The following DDC variants were observed in gnomAD, a reference collection of about 807,000 sequenced individuals.
DDC encodes aromatic-L-amino-acid decarboxylase.
In DDC, 43 loss-of-function variants were observed where a neutral mutation model predicts 60.0. The ratio of observed to expected loss-of-function variants is 0.72; its 90% CI spans 0.56 to 0.92. DDC has a LOEUF of 0.92. DDC is among the 40% of genes least tolerant of loss of function. The pLI, the probability that DDC is intolerant of heterozygous loss-of-function variation, is 0.00. For missense variants in DDC, 573 were observed against 620.2 expected, an observed-to-expected ratio of 0.92 and a Z score of 0.81; for synonymous variants, 232 against 234.6, an observed-to-expected ratio of 0.99 and a Z score of 0.10.
intron 1 of DDC, among the ~76,000 whole-genome samples, chr7:50,562,484 G>T (rs1293758749): frequency 6.6e-6 from 1 of 152,238 alleles, no homozygotes; most frequent in Non-Finnish European, 1.5e-5. Flanking sequence ...GCAGGCCCCA[G>T]CCGTGAGCAT....
chr7:50,462,928 C>T (rs1053802704), intron 14 of DDC, among the ~76,000 whole-genome samples: 1 of 152,042 alleles, frequency 6.6e-6, no homozygotes. Context: ...TGCCACCACG[C>T]CCAGCTAATT....
chr7:50,486,455 AG>A (rs1447618615), intron 9 of DDC, among the ~76,000 whole-genome samples: 4 of 152,350 alleles, frequency 2.6e-5, no homozygotes, highest in African/African-American at 9.6e-5. Flanking sequence ...TAAGTTTCAT[AG>A]CTATCAAATA....
chr7:50,502,178 C>T (rs1253145300), intron 7 of DDC, among the ~76,000 whole-genome samples: 1 of 152,196 alleles, frequency 6.6e-6, no homozygotes, highest in Non-Finnish European at 1.5e-5. Flanking sequence ...TGCACAACCC[C>T]AAAAGCAACC....
chr7:50,509,098 G>T (rs1192199736), intron 6 of DDC, among the ~76,000 whole-genome samples: 1 of 152,100 alleles, frequency 6.6e-6, no homozygotes, highest in African/African-American at 2.4e-5. Flanking sequence ...GCGTGGAGAT[G>T]GGAACATACC....
rs538632862 is a variant in DDC, at chr7:50,546,558, T to G, written c.-28-2445A>C. Among the ~76,000 whole-genome samples the G allele has an allele frequency of 3.9e-5, 6 of 152,316 alleles. No homozygotes were observed. In the East Asian group the frequency reaches 9.6e-4, roughly 24 times the overall value. On this transcript the variant is annotated intron_variant, in intron 1 of 14. Transcript: ENST00000444124. ...GAGACTTGGCTAAGCTCTTCCCCCT[T>G]GGGCCAGAGGAGCTTGGCTGATGTT...
At chr7:50,491,041 A>T (rs900379795) in intron 9 of DDC, among the ~76,000 whole-genome samples, 2 of 152,010 alleles carry the variant, frequency 1.3e-5, no homozygotes, top group African/African-American at 4.8e-5. Context: ...GAATTCTAAA[A>T]TTTTTCCTGG....
chr7:50,561,042 CCTCT>C (rs3837091), intron 1 of DDC: 36,377 of 151,836 alleles, frequency 0.24, 4,587 homozygotes, highest in East Asian at 0.5. Flanking sequence ...TGCTCTCTGT[CCTCT>C]CTCTCTCCTC....
At chr7:50,504,850 G>A (rs901330846) in intron 6 of DDC, among the ~76,000 whole-genome samples, 1 of 152,196 alleles carries the variant, frequency 6.6e-6, no homozygotes, top group Non-Finnish European at 1.5e-5. Flanking sequence ...ACAGACTTTG[G>A]CATCAGTTAA....
chr7:50,482,400 T>C (rs544723477), intron 9 of DDC, among the ~76,000 whole-genome samples: 19 of 152,328 alleles, frequency 1.2e-4, no homozygotes, highest in African/African-American at 4.1e-4. Context: ...TCATATTGGA[T>C]TGCAACAATT....
chr7:50,470,006 A>T (rs1190719180), intron 12 of DDC, 67 bp downstream of exon 12: 8 of 1,043,168 alleles, frequency 7.7e-6, no homozygotes, highest in Non-Finnish European at 1.2e-5. Flanking sequence ...AAAAAATTTG[A>T]ATTTATTTCT....
At chr7:50,538,040 G>T (rs1441256297) in intron 3 of DDC, 61 bp from the exon 4 acceptor site, 1 of 1,604,520 alleles carries the variant, frequency 6.2e-7, no homozygotes, top group Non-Finnish European at 8.5e-7. Flanking sequence ...TTGGGGGTCA[G>T]CAGTAACAAG....
At chr7:50,459,972 G>T (rs1439544722) in intron 14 of DDC, among the ~76,000 whole-genome samples, 1 of 143,468 alleles carries the variant, frequency 7.0e-6, no homozygotes, top group Non-Finnish European at 1.5e-5. Flanking sequence ...CCATCTGGGA[G>T]GTGAGGGGCG....
At chr7:50,473,758 C>T (rs1198598087) in intron 11 of DDC, among the ~76,000 whole-genome samples, 1 of 152,262 alleles carries the variant, frequency 6.6e-6, no homozygotes, top group Non-Finnish European at 1.5e-5. Flanking sequence ...GCATCATTGC[C>T]TGCCACAAGC....
At chr7:50,512,594 A>G (rs372704375) in intron 6 of DDC, among the ~76,000 whole-genome samples, 31 of 152,328 alleles carry the variant, frequency 2.0e-4, no homozygotes, top group African/African-American at 7.5e-4. Flanking sequence ...CAGAGCTTGC[A>G]AGAGCCAAAG....
intron 1 of DDC, among the ~76,000 whole-genome samples, chr7:50,561,339 G>C (rs1229613993): frequency 2.0e-5 from 3 of 152,222 alleles, no homozygotes; most frequent in African/African-American, 7.2e-5. Context: ...TGGGGCCAGG[G>C]CTCCTGGGAC....
intron 6 of DDC, among the ~76,000 whole-genome samples, chr7:50,522,205 G>GAA (rs59489350): frequency 1.3e-3 from 192 of 148,216 alleles, no homozygotes; most frequent in African/African-American, 3.5e-3. Context: ...AAAGTAAAAA[G>GAA]AAAAAAAAAA....
At chr7:50,475,679 C>G (rs1035261361) in intron 11 of DDC, among the ~76,000 whole-genome samples, 1 of 139,216 alleles carries the variant, frequency 7.2e-6, no homozygotes, top group Non-Finnish European at 1.5e-5. Context: ...GCCCACCACA[C>G]GTGGACACAG....
intron 1 of DDC, among the ~76,000 whole-genome samples, chr7:50,554,767 A>G (rs1297392188): frequency 6.6e-6 from 1 of 152,212 alleles, no homozygotes; most frequent in Admixed American, 6.5e-5. Context: ...AGGTTCCCGC[A>G]GCATTCTTCA....
chr7:50,557,615 C>T (rs1190969360), intron 1 of DDC, among the ~76,000 whole-genome samples: 1 of 152,162 alleles, frequency 6.6e-6, no homozygotes, highest in African/African-American at 2.4e-5. Context: ...TTAAGGGCTG[C>T]TGAGTGGGGA....
Sources: allele counts gnomAD v4.1 joint callset (sites outside exome capture counted in the v4.1 genomes callset), GRCh38; gene constraint gnomAD v4.1.1; transcripts MANE v1.5; gene names NCBI Gene and HGNC (gene_info 2026-07-23, HGNC 2026-07-21).